The following RBFOX1 variants were observed in gnomAD, a reference collection of about 807,000 sequenced individuals.
The protein encoded by RBFOX1 is RNA binding protein fox-1 homolog 1.
RBFOX1 carries 8 observed loss-of-function variants against 57.7 expected under a neutral mutation model. The observed-to-expected ratio is 0.14, with a 90% CI of 0.08 to 0.25. RBFOX1 has a LOEUF of 0.25. Among genes scored for constraint, RBFOX1 ranks in the 10% least tolerant of loss-of-function variants. The pLI is 1.00. For synonymous variants in RBFOX1, 326 were observed against 222.4 expected, an observed-to-expected ratio of 1.47 and a Z score of -4.15; for missense variants, 611 against 548.5, an observed-to-expected ratio of 1.11 and a Z score of -1.14.
chr16:5,734,276 C>T (rs1448915021), intron 3 of RBFOX1, among the ~76,000 whole-genome samples: 1 of 151,906 alleles, frequency 6.6e-6, no homozygotes, highest in East Asian at 1.9e-4. Flanking sequence ...CCTGCCTGGG[C>T]AACAGAGACC....
In RBFOX1 at chr16:5,884,945, G is replaced by C. The variant is rs543580303; in HGVS notation, c.351+17610G>C. Among the ~76,000 whole-genome samples, 4 of 152,290 alleles carry C rather than the reference G, an allele frequency of 2.6e-5. No individual in the cohort carries two copies. In the East Asian group the frequency reaches 7.7e-4, roughly 30 times the overall value. ...TAGACTCTCCTGGAAAGAGCTGGTG[G>C]TGCTGTAGGGATACCTAATGTTGGC... On this transcript the variant is annotated intron_variant, in intron 4 of 19. Coordinates refer to the RBFOX1 transcript ENST00000641259.
intron 1 of RBFOX1, among the ~76,000 whole-genome samples, chr16:6,146,124 CT>C (rs2096756279): frequency 6.6e-6 from 1 of 152,122 alleles, no homozygotes; most frequent in African/African-American, 2.4e-5. Flanking sequence ...CTTTCTGACC[CT>C]TTATATCACC....
At chr16:5,549,087 A>C (rs1279495579) in intron 2 of RBFOX1, among the ~76,000 whole-genome samples, 1 of 152,224 alleles carries the variant, frequency 6.6e-6, no homozygotes, top group Non-Finnish European at 1.5e-5. Context: ...ATCCTCGTGG[A>C]GGACCCCAGC....
intron 2 of RBFOX1, among the ~76,000 whole-genome samples, chr16:6,548,870 G>A (rs1452425216): frequency 6.6e-6 from 1 of 151,824 alleles, no homozygotes; most frequent in Non-Finnish European, 1.5e-5. Context: ...GAGGTCAGGA[G>A]TTGGAGACCA....
At chr16:7,627,333 G>A (rs1221372413) in intron 10 of RBFOX1, among the ~76,000 whole-genome samples, 3 of 152,096 alleles carry the variant, frequency 2.0e-5, no homozygotes, top group Admixed American at 6.5e-5. Context: ...AGGATTCCAG[G>A]CCAATAGGAA....
intron 4 of RBFOX1, among the ~76,000 whole-genome samples, chr16:7,061,055 C>T (rs2054105107): frequency 6.6e-6 from 1 of 151,510 alleles, no homozygotes; most frequent in Non-Finnish European, 1.5e-5. Flanking sequence ...CACGTGCACA[C>T]ATACAAGGAA....
Position 7,615,332 on chromosome 16 carries a change from CAA to C in RBFOX1, c.676+7997_676+7998del, listed in dbSNP as rs541764218. ...TGGGCAATAGAGCAAGACTCCATCT[CAA>C]AATAATAATAATAATAATAATAATG... On this transcript the variant is annotated intron_variant, in intron 10 of 15. Coordinates refer to ENST00000550418, the MANE Select transcript of RBFOX1 (RefSeq NM_018723.4). Among the ~76,000 whole-genome samples the C allele has an allele frequency of 3.7e-3, 559 of 151,634 alleles. 3 individuals are homozygous for C. The highest frequency in any genetic ancestry group is 5.8e-3 in the Non-Finnish European group (391 of 67,904).
intron 3 of RBFOX1, among the ~76,000 whole-genome samples, chr16:6,686,312 G>A (rs1235971520): frequency 6.6e-6 from 1 of 152,176 alleles, no homozygotes; most frequent in Non-Finnish European, 1.5e-5. Flanking sequence ...TCACAGATTT[G>A]TGTGGGCTTA....
chr16:7,586,952 A>C (rs1221237036), intron 6 of RBFOX1, among the ~76,000 whole-genome samples: 2 of 152,320 alleles, frequency 1.3e-5, no homozygotes, highest in African/African-American at 2.4e-5. Flanking sequence ...AGCCACTTTT[A>C]ATCTTTGCTG....
chr16:7,339,597 A>G (rs560784635), intron 4 of RBFOX1, among the ~76,000 whole-genome samples: 1 of 152,052 alleles, frequency 6.6e-6, no homozygotes, highest in African/African-American at 2.4e-5. Context: ...GCACCACCAC[A>G]ACCAGCTTAT....
chr16:7,001,230 A>G (rs562128441), intron 3 of RBFOX1, among the ~76,000 whole-genome samples: 2 of 152,202 alleles, frequency 1.3e-5, no homozygotes, highest in South Asian at 2.1e-4. Context: ...GTTGTTGGCC[A>G]GTGGGAATGT....
At chr16:6,701,040 G>A (rs1002798149) in intron 3 of RBFOX1, among the ~76,000 whole-genome samples, 14 of 152,018 alleles carry the variant, frequency 9.2e-5, no homozygotes, top group Non-Finnish European at 1.8e-4. Context: ...GGCAGAGGGG[G>A]GGGTGAGTCA....
chr16:5,274,100 T>C (rs1350257016), intron 1 of RBFOX1, among the ~76,000 whole-genome samples: 1 of 152,178 alleles, frequency 6.6e-6, no homozygotes, highest in Non-Finnish European at 1.5e-5. Flanking sequence ...TAGAAGTGCA[T>C]TTTCTACTGG....
chr16:6,999,830 G>T (rs1052027730), intron 3 of RBFOX1, among the ~76,000 whole-genome samples: 1 of 152,090 alleles, frequency 6.6e-6, no homozygotes, highest in Non-Finnish European at 1.5e-5. Context: ...CCAGTATTTT[G>T]GGAGGCTGAG....
At chr16:6,812,529 A>C (rs2088961778) in intron 3 of RBFOX1, among the ~76,000 whole-genome samples, 2 of 151,962 alleles carry the variant, frequency 1.3e-5, no homozygotes, top group Admixed American at 6.6e-5. Context: ...ACATGACACC[A>C]CGCCCAGCTA....
chr16:7,387,343 T>C (rs2097901651), intron 4 of RBFOX1, among the ~76,000 whole-genome samples: 1 of 152,200 alleles, frequency 6.6e-6, no homozygotes, highest in Admixed American at 6.5e-5. Context: ...AGGTATTTGA[T>C]TAATTTCACA....
At chr16:6,849,956 TTG>T (rs1375841524) in intron 3 of RBFOX1, among the ~76,000 whole-genome samples, 1 of 152,220 alleles carries the variant, frequency 6.6e-6, no homozygotes, top group Non-Finnish European at 1.5e-5. Context: ...GCTGGAGACT[TTG>T]TCTTTGAATC....
intron 4 of RBFOX1, among the ~76,000 whole-genome samples, chr16:5,955,079 A>C (rs1193467457): frequency 7.3e-6 from 1 of 136,286 alleles, no homozygotes; most frequent in Non-Finnish European, 1.5e-5. Context: ...TCAGGAGTTC[A>C]AGACCAGCCT....
chr16:6,965,128 T>C (rs2083833450), intron 3 of RBFOX1, among the ~76,000 whole-genome samples: 1 of 152,114 alleles, frequency 6.6e-6, no homozygotes, highest in Non-Finnish European at 1.5e-5. Flanking sequence ...TCTGCCTCCA[T>C]GGTTCTCGGG....
Sources: gnomAD v4.1 joint callset for allele counts (sites outside exome capture counted in the v4.1 genomes callset) on GRCh38, gnomAD v4.1.1 for gene constraint, MANE v1.5 for transcripts, NCBI Gene and HGNC (gene_info 2026-07-23, HGNC 2026-07-21) for gene names.